The following HTR7 variants were observed in gnomAD, a reference collection of about 807,000 sequenced individuals.
HTR7 encodes 5-hydroxytryptamine receptor 7.
A neutral mutation model predicts 34.0 loss-of-function variants in HTR7; 16 were observed. The ratio of observed to expected loss-of-function variants is 0.47; its 90% CI spans 0.32 to 0.71. The LOEUF is 0.71. HTR7 is among the 30% of genes least tolerant of loss of function. HTR7 has a pLI of 0.04. For missense variants in HTR7, 504 were observed against 625.5 expected (o/e 0.81, Z 2.07); for synonymous variants, 265 against 260.2 (o/e 1.02, Z -0.18).
At chr10:90,753,348 A>G (rs1844773015) in intron 1 of HTR7, among the ~76,000 whole-genome samples, 1 of 152,300 alleles carries the variant, frequency 6.6e-6, no homozygotes, top group African/African-American at 2.4e-5. Flanking sequence ...CCTGAGCAAC[A>G]TAGCAAGACC....
At chr10:90,840,579 T>A (rs1431005168) in intron 1 of HTR7, among the ~76,000 whole-genome samples, 1 of 152,202 alleles carries the variant, frequency 6.6e-6, no homozygotes, top group Non-Finnish European at 1.5e-5. Flanking sequence ...TTTCAACTCC[T>A]TCAACTTTTA....
At chr10:90,844,310 A>C (rs185713007) in intron 1 of HTR7, among the ~76,000 whole-genome samples, 1 of 152,216 alleles carries the variant, frequency 6.6e-6, no homozygotes, top group African/African-American at 2.4e-5. Flanking sequence ...TCCCACTTCC[A>C]GATATTATGA....
intron 1 of HTR7, among the ~76,000 whole-genome samples, chr10:90,764,879 G>T (rs971860131): frequency 1.3e-5 from 2 of 152,006 alleles, no homozygotes; most frequent in Admixed American, 1.3e-4. Context: ...TCCTGCTAAT[G>T]TGGTGTATCA....
chr10:90,772,060 T>C (rs1845123339), intron 1 of HTR7, among the ~76,000 whole-genome samples: 1 of 152,108 alleles, frequency 6.6e-6, no homozygotes, highest in Non-Finnish European at 1.5e-5. Flanking sequence ...GGAAGTTAGT[T>C]GAAGTAGAAA....
chr10:90,757,824 C>T (rs1844859653), intron 1 of HTR7, among the ~76,000 whole-genome samples: 1 of 152,046 alleles, frequency 6.6e-6, no homozygotes, highest in Non-Finnish European at 1.5e-5. Context: ...CTTGAAGAAC[C>T]AAGTCAAAAG....
chr10:90,806,952 T>C (rs1845715686), intron 1 of HTR7, among the ~76,000 whole-genome samples: 1 of 152,098 alleles, frequency 6.6e-6, no homozygotes, highest in Non-Finnish European at 1.5e-5. Flanking sequence ...ACCAAGAAGG[T>C]AGCTAATGTG....
intron 1 of HTR7, among the ~76,000 whole-genome samples, chr10:90,837,975 C>T (rs1402707839): frequency 1.3e-5 from 2 of 152,176 alleles, no homozygotes. Flanking sequence ...ATCGCACTGA[C>T]TAACCATCCC....
At chr10:90,805,811 G>C (rs1456559761) in intron 1 of HTR7, among the ~76,000 whole-genome samples, 1 of 152,154 alleles carries the variant, frequency 6.6e-6, no homozygotes, top group Non-Finnish European at 1.5e-5. Flanking sequence ...TAATCAATAG[G>C]CTTAAAGGAA....
intron 1 of HTR7, among the ~76,000 whole-genome samples, chr10:90,856,035 T>C (rs1435071002): frequency 6.6e-6 from 1 of 152,214 alleles, no homozygotes; most frequent in African/African-American, 2.4e-5. Context: ...AGTTTCATGC[T>C]AGACCATCCT....
chr10:90,744,586 G>A, intron 2 of HTR7, among the ~76,000 whole-genome samples: 1 of 118,862 alleles, frequency 8.4e-6, no homozygotes, highest in East Asian at 3.0e-4. Context: ...TTGGGGGGTG[G>A]GCGGGGGGTT....
intron 1 of HTR7, among the ~76,000 whole-genome samples, chr10:90,838,247 T>C (rs1158552745): frequency 1.3e-5 from 2 of 152,220 alleles, no homozygotes; most frequent in Admixed American, 6.5e-5. Context: ...CATGTCTTGG[T>C]AAACAGTATC....
chr10:90,823,301 C>T (rs1846016151), intron 1 of HTR7, among the ~76,000 whole-genome samples: 1 of 152,214 alleles, frequency 6.6e-6, no homozygotes, highest in Non-Finnish European at 1.5e-5. Flanking sequence ...CTTGGGAGCC[C>T]ATCCCTTGTG....
intron 2 of HTR7, 196 bp from the exon 3 acceptor site, chr10:90,743,886 T>C (rs1192585118): frequency 1.4e-6 from 1 of 699,344 alleles, no homozygotes; most frequent in East Asian, 2.8e-5. Context: ...CCTCCATCTA[T>C]TCACTTCATT....
At chr10:90,807,468 C>G (rs1410063474) in intron 1 of HTR7, among the ~76,000 whole-genome samples, 1 of 152,200 alleles carries the variant, frequency 6.6e-6, no homozygotes, top group African/African-American at 2.4e-5. Context: ...TAACTGATGA[C>G]ATTGTCTTGT....
At chr10:90,778,449 GAGTCCCTACCAGCA>G (rs1408147862) in intron 1 of HTR7, among the ~76,000 whole-genome samples, 1 of 152,132 alleles carries the variant, frequency 6.6e-6, no homozygotes, top group Non-Finnish European at 1.5e-5. Context: ...GGACTCTGCA[GAGTCCCTACCAGCA>G]AGAAGGCCTT....
At chr10:90,744,104 G>C (rs1844598003) in intron 2 of HTR7, among the ~76,000 whole-genome samples, 1 of 151,856 alleles carries the variant, frequency 6.6e-6, no homozygotes, top group Admixed American at 6.6e-5. Context: ...AAGCCCAGAA[G>C]CTAGATGGGA....
At chr10:90,745,922 G>A (rs1446121397) in intron 2 of HTR7, among the ~76,000 whole-genome samples, 2 of 152,170 alleles carry the variant, frequency 1.3e-5, no homozygotes, top group African/African-American at 4.8e-5. Context: ...TCTGTCTTAA[G>A]CTTACAGGAA....
intron 1 of HTR7, among the ~76,000 whole-genome samples, chr10:90,751,140 A>G (rs1304853716): frequency 1.3e-5 from 2 of 152,152 alleles, no homozygotes; most frequent in Non-Finnish European, 2.9e-5. Context: ...ACCTACAAGC[A>G]CTACCCTTAG....
chr10:90,839,269 T>G (rs1846293765), intron 1 of HTR7, among the ~76,000 whole-genome samples: 1 of 152,168 alleles, frequency 6.6e-6, no homozygotes, highest in African/African-American at 2.4e-5. Context: ...TAGCAGAGAC[T>G]TTTCAATCCA....
Sources: gnomAD v4.1 joint callset for allele counts (sites outside exome capture counted in the v4.1 genomes callset) on GRCh38, gnomAD v4.1.1 for gene constraint, MANE v1.5 for transcripts, NCBI Gene and HGNC (gene_info 2026-07-23, HGNC 2026-07-21) for gene names.